VPS8: variants seen among roughly 807,000 people sequenced by gnomAD.
VPS8 encodes VPS8 subunit of CORVET complex.
A neutral mutation model predicts 216.4 loss-of-function variants in VPS8; 129 were observed. That is an observed-to-expected ratio of 0.60 (90% CI 0.52 to 0.69). VPS8 has a LOEUF of 0.69. Ranked by LOEUF, VPS8 falls within the 30% of genes least tolerant of loss-of-function variation. The probability of loss-of-function intolerance (pLI) is 0.00; values close to 1 mark genes in which losing one functional copy is unlikely to be tolerated. For missense variants in VPS8, 1,531 were observed against 1,683.5 expected (o/e 0.91, Z 1.59); for synonymous variants, 571 against 565.4 (o/e 1.01, Z -0.14).
intron 16 of VPS8, among the ~76,000 whole-genome samples, chr3:184,865,133 C>T (rs977066849): frequency 5.9e-5 from 9 of 151,946 alleles, no homozygotes; most frequent in South Asian, 4.1e-4. Flanking sequence ...CAAAATGAAA[C>T]GCAGGAAAAT....
chr3:184,914,908 A>T, intron 26 of VPS8, 73 bp from the exon 27 acceptor site: 1 of 1,431,098 alleles, frequency 7.0e-7, no homozygotes, highest in Admixed American at 1.7e-5. Flanking sequence ...CAAGTTTGAG[A>T]AACAATGTGT....
At chr3:184,988,117 C>T (rs1577073522) in intron 42 of VPS8, among the ~76,000 whole-genome samples, 1 of 152,104 alleles carries the variant, frequency 6.6e-6, no homozygotes, top group East Asian at 1.9e-4. Flanking sequence ...TGTGGCTGGT[C>T]TTTTTATTCT....
At chr3:184,843,271 T>C (rs762907313) in intron 8 of VPS8, 26 bp downstream of exon 8, 11 of 1,397,796 alleles carry the variant, frequency 7.9e-6, no homozygotes, top group Non-Finnish European at 1.0e-5. Flanking sequence ...TTAGTTTGCA[T>C]GAATGGTTTC....
At chr3:184,962,498 T>C (rs749737357) in intron 37 of VPS8, among the ~76,000 whole-genome samples, 2 of 152,232 alleles carry the variant, frequency 1.3e-5, no homozygotes, top group East Asian at 1.9e-4. Flanking sequence ...TTGATGACCA[T>C]TGGAATTTTC....
intron 30 of VPS8, among the ~76,000 whole-genome samples, chr3:184,925,813 G>A (rs1333494939): frequency 3.6e-5 from 5 of 137,908 alleles, no homozygotes; most frequent in Non-Finnish European, 3.0e-5. Flanking sequence ...TGGCTCTGTC[G>A]CCTAGGCTGG....
At chr3:185,032,653 T>G (rs1213177354) in intron 46 of VPS8, among the ~76,000 whole-genome samples, 1 of 152,152 alleles carries the variant, frequency 6.6e-6, no homozygotes, top group Non-Finnish European at 1.5e-5. Context: ...TGTTAATAAT[T>G]TTTGTAATTA....
At chr3:185,022,130 T>G (rs1487431459) in intron 45 of VPS8, among the ~76,000 whole-genome samples, 1 of 152,128 alleles carries the variant, frequency 6.6e-6, no homozygotes, top group Non-Finnish European at 1.5e-5. Context: ...TCTCATGAGA[T>G]CTGATGGTTT....
chr3:184,923,551 T>C (rs1739037353), intron 29 of VPS8, among the ~76,000 whole-genome samples: 1 of 152,170 alleles, frequency 6.6e-6, no homozygotes, highest in Admixed American at 6.5e-5. Flanking sequence ...ACAGGATAAT[T>C]TTCCTAAGCA....
chr3:184,857,018 G>T (rs1359215434), intron 14 of VPS8, among the ~76,000 whole-genome samples: 1 of 152,176 alleles, frequency 6.6e-6, no homozygotes, highest in East Asian at 1.9e-4. Flanking sequence ...CATTGTGCTT[G>T]GCCACATTCA....
intron 39 of VPS8, among the ~76,000 whole-genome samples, chr3:184,968,368 G>C (rs1232288040): frequency 6.6e-6 from 1 of 152,106 alleles, no homozygotes; most frequent in Non-Finnish European, 1.5e-5. Flanking sequence ...CTCTTCAAGA[G>C]CTGGCTCTCA....
intron 39 of VPS8, among the ~76,000 whole-genome samples, chr3:184,966,928 G>A (rs1295066154): frequency 2.6e-5 from 4 of 151,616 alleles, no homozygotes; most frequent in Admixed American, 6.6e-5. Context: ...GTTAATTTTC[G>A]GTGGAGTTAA....
Position 184,868,947 on chromosome 3 carries a change from G to T in VPS8, c.1508G>T (p.Arg503Ile). The T allele has an allele frequency of 6.2e-7, 1 of 1,605,900 alleles. No homozygotes were observed. The highest frequency in any genetic ancestry group is 8.5e-7 in the Non-Finnish European group (1 of 1,176,188). Residue 503 changes from arginine to isoleucine, a missense_variant and splice_region_variant, in exon 19 of 48, where the codon AGA becomes ATA. Arg to Ile is a moderately conservative substitution (Grantham distance 97, BLOSUM62 -3). Around this residue, in one of 3 missense-constraint regions of VPS8, gnomAD observed 1,318 missense variants for 1,468.4 expected, o/e 0.90. Transcript: ENST00000625842. Reference protein sequence around the residue: ...YVMMLRSWRERVDHLLKQDCL... With the variant: ...YVMMLRSWREIVDHLLKQDCL... The stretch of plus-strand genomic sequence containing the variant: ...GTTTCTCTCATTTTTCCGTTTTAGA[G>T]AGTGGATCATCTCCTGAAACAAGAT...
chr3:184,909,579 T>C (rs1309313072), intron 25 of VPS8, among the ~76,000 whole-genome samples: 1 of 152,326 alleles, frequency 6.6e-6, no homozygotes, highest in South Asian at 2.1e-4. Flanking sequence ...TCAACAGTTA[T>C]ATTTTTCGGT....
Position 184,996,184 on chromosome 3 carries a change from G to A in VPS8, c.3667-148G>A, listed in dbSNP as rs960668033. On this transcript the variant is annotated intron_variant, in intron 43 of 47. Coordinates refer to ENST00000625842, the MANE Select transcript of VPS8 (RefSeq NM_001009921.3). ...ATTTGGGAGGTTTTGATGTTTTTTT[G>A]TTTCAACAATGTTATCCCTTTATAG... 14 of 943,402 alleles carry A rather than the reference G, an allele frequency of 1.5e-5. No individual in the cohort carries two copies. In the African/African-American group the frequency reaches 2.3e-4, roughly 16 times the overall value. The allele number at this position is 943,402 out of a possible 1,614,324, so 58.4% of individuals were successfully genotyped here.
intron 39 of VPS8, among the ~76,000 whole-genome samples, chr3:184,969,945 C>T (rs1238809653): frequency 3.8e-5 from 5 of 131,670 alleles, no homozygotes; most frequent in African/African-American, 1.2e-4. Context: ...AGTCTCACTC[C>T]GTTGCCCAGG....
intron 16 of VPS8, among the ~76,000 whole-genome samples, chr3:184,864,834 G>A (rs1185936388): frequency 6.6e-6 from 1 of 152,146 alleles, no homozygotes; most frequent in African/African-American, 2.4e-5. Context: ...TACTAGGTAT[G>A]CAAAGAAGAA....
chr3:184,902,111 G>GC (rs541230872), intron 25 of VPS8, among the ~76,000 whole-genome samples: 2,868 of 139,746 alleles, frequency 0.021, 112 homozygotes, highest in African/African-American at 0.069. Flanking sequence ...TAAATATTTA[G>GC]CCCCCCCCCC....
At chr3:184,884,206 A>G (rs961466872) in intron 21 of VPS8, among the ~76,000 whole-genome samples, 14 of 152,184 alleles carry the variant, frequency 9.2e-5, no homozygotes, top group South Asian at 6.2e-4. Flanking sequence ...ACATCTCCCA[A>G]TGCTATCCCT....
chr3:185,050,193 G>A lies in VPS8; in HGVS notation c.4137+1634G>A, dbSNP rs865936611. On this transcript the variant is annotated intron_variant, in intron 47 of 47. Transcript: ENST00000625842. Reference sequence around the variant, plus strand: ...TCAGGATGTGAAAGCATTGAGTTGAGCGTCTGTGGCTCATTCTGTTCAAGG... The same window carrying A: ...TCAGGATGTGAAAGCATTGAGTTGAACGTCTGTGGCTCATTCTGTTCAAGG... 9.3e-5 allele frequency among the ~76,000 whole-genome samples: 14 copies of A among 150,854 alleles called. No individual in the cohort carries two copies. The South Asian group carries it at 1.7e-3, about 18-fold the overall frequency.
Sources: allele counts gnomAD v4.1 joint callset (sites outside exome capture counted in the v4.1 genomes callset), GRCh38; gene constraint gnomAD v4.1.1; regional missense constraint gnomAD v4.1.1; transcripts MANE v1.5; gene names NCBI Gene and HGNC (gene_info 2026-07-23, HGNC 2026-07-21).